Variants in SLC25A21 observed in about 807,000 individuals in gnomAD.
SLC25A21 encodes solute carrier family 25 member 21.
A neutral mutation model predicts 43.8 loss-of-function variants in SLC25A21; 47 were observed. The observed-to-expected ratio is 1.07, with a 90% confidence interval of 0.85 to 1.37. The LOEUF (loss-of-function observed/expected upper bound fraction) is 1.37. SLC25A21 is among the 40% of genes most tolerant of loss of function. The probability of loss-of-function intolerance (pLI) is 0.00; values close to 1 mark genes in which losing one functional copy is unlikely to be tolerated. For missense variants in SLC25A21, 352 were observed against 350.2 expected, an observed-to-expected ratio of 1.00 and a Z score of -0.04; for synonymous variants, 131 against 121.3, an observed-to-expected ratio of 1.08 and a Z score of -0.52.
chr14:36,892,249 G>A (rs535826233), intron 1 of SLC25A21, among the ~76,000 whole-genome samples: 1 of 152,052 alleles, frequency 6.6e-6, no homozygotes, highest in Non-Finnish European at 1.5e-5. Flanking sequence ...TCCTACTACT[G>A]AGTATATATA....
At chr14:36,781,071 A>G (rs1362757562) in intron 3 of SLC25A21, among the ~76,000 whole-genome samples, 1 of 152,108 alleles carries the variant, frequency 6.6e-6, no homozygotes, top group Non-Finnish European at 1.5e-5. Context: ...TTATTATTAG[A>G]TATAATGACC....
chr14:36,940,642 G>C (rs565739586), intron 1 of SLC25A21, among the ~76,000 whole-genome samples: 1 of 152,186 alleles, frequency 6.6e-6, no homozygotes, highest in African/African-American at 2.4e-5. Context: ...ACCATGCAAC[G>C]TATCAAAAAC....
chr14:36,911,083 C>A (rs1374766580), intron 1 of SLC25A21, among the ~76,000 whole-genome samples: 1 of 152,178 alleles, frequency 6.6e-6, no homozygotes, highest in Non-Finnish European at 1.5e-5. Flanking sequence ...CAGGGACCTT[C>A]TACTCTTATG....
chr14:36,961,167 C>G (rs12887020), intron 1 of SLC25A21, among the ~76,000 whole-genome samples: 31,271 of 151,902 alleles, frequency 0.21, 3,892 homozygotes, highest in Admixed American at 0.3. Flanking sequence ...TGGGGTAAAA[C>G]TTAGGTATCT....
intron 1 of SLC25A21, among the ~76,000 whole-genome samples, chr14:36,972,818 TTG>T (rs1389367859): frequency 6.6e-6 from 1 of 151,780 alleles, no homozygotes; most frequent in Non-Finnish European, 1.5e-5. Flanking sequence ...ACTTTTTTGT[TTG>T]TTTGGGTTTT....
intron 6 of SLC25A21, among the ~76,000 whole-genome samples, chr14:36,722,545 A>G (rs1025824417): frequency 2.0e-5 from 3 of 152,196 alleles, no homozygotes. Context: ...TGGGGTTCAT[A>G]GGAAGTCTCT....
At chr14:36,710,602 T>A (rs1883814615) in intron 7 of SLC25A21, among the ~76,000 whole-genome samples, 2 of 152,148 alleles carry the variant, frequency 1.3e-5, no homozygotes, top group East Asian at 1.9e-4. Flanking sequence ...GGTAATTTTT[T>A]AATTTTTTGT....
At chr14:37,021,874 T>G (rs1169942465) in intron 1 of SLC25A21, among the ~76,000 whole-genome samples, 1 of 151,936 alleles carries the variant, frequency 6.6e-6, no homozygotes, top group Non-Finnish European at 1.5e-5. Flanking sequence ...AGGAGAACAT[T>G]TGCAGGTGAT....
intron 3 of SLC25A21, among the ~76,000 whole-genome samples, chr14:36,760,850 G>C (rs79258929): frequency 0.019 from 2,823 of 151,684 alleles, 97 homozygotes; most frequent in African/African-American, 0.065. Context: ...GAAGGAAAGA[G>C]GTAGGGAGAA....
intron 3 of SLC25A21, among the ~76,000 whole-genome samples, chr14:36,764,205 A>G (rs1290952494): frequency 6.6e-6 from 1 of 150,994 alleles, no homozygotes; most frequent in Non-Finnish European, 1.5e-5. Context: ...AAAGAAAGAA[A>G]CTGTTAGCTT....
At chr14:36,803,148 A>G (rs1316406368) in intron 3 of SLC25A21, among the ~76,000 whole-genome samples, 1 of 152,156 alleles carries the variant, frequency 6.6e-6, no homozygotes, top group Non-Finnish European at 1.5e-5. Context: ...AGTATCTCAG[A>G]TTCTGTGGAA....
At chr14:36,788,971 A>G (rs1887348353) in intron 3 of SLC25A21, 1 of 152,114 alleles carries the variant, frequency 6.6e-6, no homozygotes, top group Non-Finnish European at 1.5e-5. Flanking sequence ...GGTTTTATTC[A>G]TTTTTACTGT....
In SLC25A21 at chr14:36,679,284, T is replaced by TATG. The variant is rs1473307983; in HGVS notation, c.*1371_*1373dup. The TATG allele has an allele frequency of 1.5e-5, 15 of 978,436 alleles. No individual in the cohort carries two copies. The highest frequency in any genetic ancestry group is 1.8e-5 in the Non-Finnish European group (15 of 823,746). 60.6% of individuals were successfully genotyped at this position (978,436 alleles called of 1,614,324 possible). The stretch of plus-strand genomic sequence containing the variant: ...TTGGAAAGGATGTACAACAGAAGGC[T>TATG]ATGTATGTATATACAGTATGTCAAA... On this transcript the variant is annotated 3_prime_UTR_variant, in exon 10 of 10. Coordinates refer to ENST00000331299, the MANE Select transcript of SLC25A21 (RefSeq NM_030631.4).
At chr14:37,113,125 A>T (rs185793942) in intron 1 of SLC25A21, among the ~76,000 whole-genome samples, 10 of 152,284 alleles carry the variant, frequency 6.6e-5, no homozygotes, top group Admixed American at 5.9e-4. Context: ...CACCTCAGGT[A>T]GGTCAGATTT....
At chr14:37,133,829 ACTC>A (rs1470365220) in intron 1 of SLC25A21, among the ~76,000 whole-genome samples, 1 of 151,306 alleles carries the variant, frequency 6.6e-6, no homozygotes, top group Non-Finnish European at 1.5e-5. Flanking sequence ...TGCTCAGAAA[ACTC>A]CTACTCACCC....
intron 1 of SLC25A21, among the ~76,000 whole-genome samples, chr14:37,057,337 A>C (rs550235149): frequency 5.3e-5 from 8 of 152,220 alleles, no homozygotes; most frequent in African/African-American, 1.7e-4. Context: ...TGTCATTTAT[A>C]TAGTATATTT....
At chr14:36,800,788 C>G (rs921745249) in intron 3 of SLC25A21, among the ~76,000 whole-genome samples, 2 of 152,142 alleles carry the variant, frequency 1.3e-5, no homozygotes, top group African/African-American at 4.8e-5. Flanking sequence ...AAGTCCCAGT[C>G]TGATAATTCC....
intron 1 of SLC25A21, among the ~76,000 whole-genome samples, chr14:37,006,938 AAAACAAAC>A (rs1181301047): frequency 1.3e-5 from 2 of 152,166 alleles, no homozygotes; most frequent in Non-Finnish European, 2.9e-5. Flanking sequence ...ACAATCTCCT[AAAACAAAC>A]AAACAAACAA....
intron 1 of SLC25A21, among the ~76,000 whole-genome samples, chr14:36,925,709 TGG>T (rs1892112097): frequency 6.6e-6 from 1 of 152,076 alleles, no homozygotes. Context: ...TAGCCAGGCA[TGG>T]TAGCACATGC....
Sources: gnomAD v4.1 joint callset for allele counts (sites outside exome capture counted in the v4.1 genomes callset) on GRCh38, gnomAD v4.1.1 for gene constraint, MANE v1.5 for transcripts, NCBI Gene and HGNC (gene_info 2026-07-23, HGNC 2026-07-21) for gene names.